The following GABRG3 variants were observed in gnomAD, a reference collection of about 807,000 sequenced individuals.
The protein encoded by GABRG3 is gamma-aminobutyric acid receptor subunit gamma-3.
In GABRG3, 25 loss-of-function variants were observed where a neutral mutation model predicts 48.8. The observed-to-expected ratio is 0.51, with a 90% CI of 0.37 to 0.72. The LOEUF is 0.72. GABRG3 is among the 30% of genes least tolerant of loss of function. GABRG3 has a pLI of 0.00. For missense variants in GABRG3, 394 were observed against 577.9 expected (o/e 0.68, Z 3.26); for synonymous variants, 227 against 217.6 (o/e 1.04, Z -0.38).
rs1027041020 is a variant in GABRG3 at position 27,336,409 on chromosome 15, G to T, written c.574+7521G>T. 2.6e-5 allele frequency among the ~76,000 whole-genome samples: 4 copies of T among 152,090 alleles called. No individual in the cohort carries two copies. In the East Asian group the frequency reaches 7.7e-4, roughly 29 times the overall value. Reference sequence around the variant, plus strand: ...AAGGTGATATTTACATGGAAAATCTGCATGTGAAAAGATGTTCAATGTCAT... The same window carrying T: ...AAGGTGATATTTACATGGAAAATCTTCATGTGAAAAGATGTTCAATGTCAT... On this transcript the variant is annotated intron_variant, in intron 5 of 9. Coordinates refer to ENST00000615808, the MANE Select transcript of GABRG3 (RefSeq NM_033223.5).
At chr15:27,100,468 A>G (rs1000106341) in intron 3 of GABRG3, among the ~76,000 whole-genome samples, 3 of 152,200 alleles carry the variant, frequency 2.0e-5, no homozygotes, top group Admixed American at 6.5e-5. Flanking sequence ...AACATTCCCC[A>G]TCATTTTTTA....
At chr15:26,997,937 G>A (rs1486326003) in intron 2 of GABRG3, among the ~76,000 whole-genome samples, 2 of 152,182 alleles carry the variant, frequency 1.3e-5, no homozygotes, top group African/African-American at 4.8e-5. Context: ...CTGGGTCAGG[G>A]TAACTTATTG....
intron 3 of GABRG3, among the ~76,000 whole-genome samples, chr15:27,262,992 A>G (rs1484510805): frequency 1.3e-5 from 2 of 152,180 alleles, no homozygotes; most frequent in Non-Finnish European, 2.9e-5. Flanking sequence ...TTTTGAATCA[A>G]CCGGACTCTC....
chr15:27,015,991 C>T (rs1326063900), intron 2 of GABRG3, among the ~76,000 whole-genome samples: 2 of 152,118 alleles, frequency 1.3e-5, no homozygotes, highest in African/African-American at 4.8e-5. Context: ...TTGTTGATGA[C>T]TCCACCTACC....
chr15:27,052,038 T>C lies in GABRG3; in HGVS notation c.270+25217T>C, dbSNP rs539138195. On this transcript the variant is annotated intron_variant, in intron 3 of 9. Transcript: ENST00000615808. Reference sequence around the variant, plus strand: ...GTGAGTGATGGGCAGCGGCTGTAAATACAGATGAAGCTTCTCTTGCTCGCC... The same window carrying C: ...GTGAGTGATGGGCAGCGGCTGTAAACACAGATGAAGCTTCTCTTGCTCGCC... Among the ~76,000 whole-genome samples the C allele has an allele frequency of 4.6e-5, 7 of 152,292 alleles. No homozygotes were observed. The South Asian group carries it at 1.2e-3, about 27-fold the overall frequency.
intron 3 of GABRG3, among the ~76,000 whole-genome samples, chr15:27,066,906 CA>C (rs1254306417): frequency 1.3e-4 from 20 of 152,172 alleles, no homozygotes; most frequent in Admixed American, 1.3e-3. Context: ...AATAGAATGT[CA>C]AGGGTGAGGC....
intron 5 of GABRG3, among the ~76,000 whole-genome samples, chr15:27,397,793 C>T (rs1887353044): frequency 1.4e-5 from 2 of 146,148 alleles, no homozygotes; most frequent in Admixed American, 7.3e-5. Context: ...GCATTTTCTT[C>T]TCTGAAAAAT....
intron 3 of GABRG3, among the ~76,000 whole-genome samples, chr15:27,040,175 C>T (rs1000794898): frequency 6.6e-6 from 1 of 152,224 alleles, no homozygotes; most frequent in Non-Finnish European, 1.5e-5. Context: ...GGACGCATTT[C>T]CACTTGCTGT....
At chr15:27,311,711 A>G (rs2140507364) in intron 3 of GABRG3, among the ~76,000 whole-genome samples, 1 of 152,224 alleles carries the variant, frequency 6.6e-6, no homozygotes, top group Middle Eastern at 3.4e-3. Flanking sequence ...GAACTGGCTT[A>G]TGTCTTGCTT....
intron 3 of GABRG3, among the ~76,000 whole-genome samples, chr15:27,221,591 TG>T (rs889282166): frequency 6.6e-6 from 1 of 152,098 alleles, no homozygotes; most frequent in Non-Finnish European, 1.5e-5. Flanking sequence ...GTACAAAGGC[TG>T]GGGGGCTCCC....
At chr15:27,261,210 G>T (rs1462323156) in intron 3 of GABRG3, among the ~76,000 whole-genome samples, 1 of 152,164 alleles carries the variant, frequency 6.6e-6, no homozygotes, top group Non-Finnish European at 1.5e-5. Flanking sequence ...TCTAGAAGAA[G>T]AAAATGGTTG....
intron 3 of GABRG3, among the ~76,000 whole-genome samples, chr15:27,211,741 A>G (rs1255205651): frequency 1.3e-5 from 2 of 152,210 alleles, no homozygotes; most frequent in African/African-American, 2.4e-5. Context: ...AGCCAGTTCC[A>G]TCCTCCCACC....
intron 6 of GABRG3, among the ~76,000 whole-genome samples, chr15:27,487,350 A>G (rs1255559003): frequency 6.6e-6 from 1 of 152,224 alleles, no homozygotes; most frequent in African/African-American, 2.4e-5. Flanking sequence ...ATTTCTACAT[A>G]AGAGAATTTT....
At chr15:27,094,070 C>T (rs1204790883) in intron 3 of GABRG3, among the ~76,000 whole-genome samples, 1 of 152,178 alleles carries the variant, frequency 6.6e-6, no homozygotes, top group African/African-American at 2.4e-5. Flanking sequence ...ATGGGAGATG[C>T]ATATAGTTAC....
intron 2 of GABRG3, among the ~76,000 whole-genome samples, chr15:27,026,196 T>A (rs912325419): frequency 1.3e-5 from 2 of 152,244 alleles, no homozygotes; most frequent in Non-Finnish European, 2.9e-5. Context: ...TGTGCATATA[T>A]GTATCTTTAA....
rs535544904 is a variant in GABRG3 at position 27,115,776 on chromosome 15, A to G, written c.270+88955A>G. On this transcript the variant is annotated intron_variant, in intron 3 of 9. Transcript: ENST00000615808. ...CCAAAATTCTTTCATGCATTTATGA[A>G]CAGAGTAAAACTTTCAAAATTTTCA... 6.6e-5 allele frequency among the ~76,000 whole-genome samples: 10 copies of G among 152,334 alleles called. No homozygotes were observed. The East Asian group carries it at 1.9e-3, about 29-fold the overall frequency.
At chr15:27,250,608 G>A (rs1296653124) in intron 3 of GABRG3, among the ~76,000 whole-genome samples, 1 of 152,120 alleles carries the variant, frequency 6.6e-6, no homozygotes, top group East Asian at 1.9e-4. Flanking sequence ...TGTATTTCTA[G>A]TAGAGACGGG....
At chr15:27,287,104 G>A (rs1429659320) in intron 3 of GABRG3, among the ~76,000 whole-genome samples, 2 of 152,054 alleles carry the variant, frequency 1.3e-5, no homozygotes, top group Non-Finnish European at 2.9e-5. Context: ...TATCCTTTTC[G>A]AAAATGAGGT....
chr15:27,302,452 A>G (rs891934647), intron 3 of GABRG3, among the ~76,000 whole-genome samples: 3 of 152,122 alleles, frequency 2.0e-5, no homozygotes, highest in African/African-American at 4.8e-5. Flanking sequence ...AGTTCTAAAT[A>G]CATATGCATC....
Sources: allele counts gnomAD v4.1 joint callset (sites outside exome capture counted in the v4.1 genomes callset), GRCh38; gene constraint gnomAD v4.1.1; transcripts MANE v1.5; gene names NCBI Gene and HGNC (gene_info 2026-07-23, HGNC 2026-07-21).